The following FUT9 variants were observed in gnomAD, a reference collection of about 807,000 sequenced individuals.
FUT9 encodes 4-galactosyl-N-acetylglucosaminide 3-alpha-L-fucosyltransferase 9.
A neutral mutation model predicts 29.7 loss-of-function variants in FUT9; 15 were observed. That is an observed-to-expected ratio of 0.51 (90% confidence interval 0.34 to 0.78). The LOEUF (loss-of-function observed/expected upper bound fraction) is 0.78. FUT9 is among the 30% of genes least tolerant of loss of function. FUT9 has a pLI of 0.01. For missense variants in FUT9, 319 were observed against 425.4 expected (o/e 0.75, Z 2.20); for synonymous variants, 169 against 153.7 (o/e 1.10, Z -0.74).
At chr6:96,200,101 G>A (rs1773701167) in intron 2 of FUT9, among the ~76,000 whole-genome samples, 1 of 151,956 alleles carries the variant, frequency 6.6e-6, no homozygotes, top group African/African-American at 2.4e-5. Flanking sequence ...AATCATTTTG[G>A]GCCTCAGTTT....
At chr6:96,055,555 A>G (rs998165854) in intron 1 of FUT9, among the ~76,000 whole-genome samples, 15 of 151,834 alleles carry the variant, frequency 9.9e-5, no homozygotes, top group African/African-American at 3.6e-4. Context: ...TTATTGTTCA[A>G]GGGTAAATGT....
chr6:96,169,729 A>C (rs1773078115), intron 2 of FUT9, among the ~76,000 whole-genome samples: 1 of 152,104 alleles, frequency 6.6e-6, no homozygotes, highest in East Asian at 1.9e-4. Flanking sequence ...ATCTCTTTTA[A>C]ATGCTCTGTG....
chr6:96,087,174 G>T (rs1045445613), intron 1 of FUT9, among the ~76,000 whole-genome samples: 10 of 151,864 alleles, frequency 6.6e-5, no homozygotes, highest in African/African-American at 2.4e-4. Flanking sequence ...GCCTTATTTT[G>T]GATTATTGGA....
chr6:96,029,788 G>C (rs1463997086), intron 1 of FUT9, among the ~76,000 whole-genome samples: 1 of 151,546 alleles, frequency 6.6e-6, no homozygotes, highest in East Asian at 1.9e-4. Flanking sequence ...ATGTATTAAA[G>C]AACCTAATAG....
chr6:96,107,463 A>G (rs1179894841), intron 1 of FUT9, among the ~76,000 whole-genome samples: 1 of 152,186 alleles, frequency 6.6e-6, no homozygotes, highest in Non-Finnish European at 1.5e-5. Flanking sequence ...AGAATGTACA[A>G]GGAGATTTCT....
intron 1 of FUT9, among the ~76,000 whole-genome samples, chr6:96,073,719 G>A (rs1459929948): frequency 6.6e-6 from 1 of 152,122 alleles, no homozygotes; most frequent in Non-Finnish European, 1.5e-5. Flanking sequence ...TTAAAGGCGC[G>A]AGATGCTAAT....
chr6:96,052,910 T>C (rs1380699694), intron 1 of FUT9, among the ~76,000 whole-genome samples: 1 of 152,056 alleles, frequency 6.6e-6, no homozygotes, highest in East Asian at 1.9e-4. Context: ...GGTCAAAACA[T>C]TTAAAATATA....
Position 96,208,944 on chromosome 6 carries a change from T to C in FUT9, c.*4709T>C, listed in dbSNP as rs1773884179. 6.0e-6 allele frequency: 1 copy of C among 166,832 alleles called. No homozygotes were observed. The highest frequency in any genetic ancestry group is 1.5e-5 in the Non-Finnish European group (1 of 67,974). 10.3% of individuals were successfully genotyped at this position (166,832 alleles called of 1,614,324 possible). A position where few individuals can be genotyped will look rare whatever the true frequency, so the allele number is the denominator to read the frequency against. On this transcript the variant is annotated 3_prime_UTR_variant, in exon 3 of 3. Transcript: ENST00000302103. ...TCAATCTAGAGATTTTGTAGCATTT[T>C]GCAAATGGGTATGCTTCACTACTAT...
chr6:96,061,475 C>G (rs1010813256), intron 1 of FUT9, among the ~76,000 whole-genome samples: 1 of 151,444 alleles, frequency 6.6e-6, no homozygotes, highest in Non-Finnish European at 1.5e-5. Context: ...TTCATATTTG[C>G]CTTTCCCAAA....
At chr6:96,100,700 C>A (rs901045319) in intron 1 of FUT9, among the ~76,000 whole-genome samples, 1 of 152,260 alleles carries the variant, frequency 6.6e-6, no homozygotes, top group Admixed American at 6.5e-5. Flanking sequence ...ATTTGAAGAA[C>A]CCCCTTTCTT....
At chr6:96,104,532 G>C (rs1357033614) in intron 1 of FUT9, among the ~76,000 whole-genome samples, 1 of 151,998 alleles carries the variant, frequency 6.6e-6, no homozygotes, top group Non-Finnish European at 1.5e-5. Context: ...TATTTTTTTT[G>C]TTTTGTTTGT....
intron 1 of FUT9, among the ~76,000 whole-genome samples, chr6:96,088,528 T>TG (rs1340874997): frequency 4.4e-5 from 4 of 91,656 alleles, no homozygotes; most frequent in African/African-American, 1.5e-4. Context: ...TGTTTGTTTG[T>TG]TTTGTGTGTG....
chr6:96,108,448 C>T (rs1022124539), intron 1 of FUT9, among the ~76,000 whole-genome samples: 2 of 152,044 alleles, frequency 1.3e-5, no homozygotes, highest in Non-Finnish European at 2.9e-5. Flanking sequence ...TTCATAAGCT[C>T]GTTGACAGGA....
intron 2 of FUT9, among the ~76,000 whole-genome samples, chr6:96,177,986 T>G (rs1773236236): frequency 6.6e-6 from 1 of 152,180 alleles, no homozygotes; most frequent in African/African-American, 2.4e-5. Context: ...TGTTTGCTCA[T>G]ACTGTGAGGA....
rs539917939 is a variant in FUT9, at chr6:96,208,312, G to T, written c.*4077G>T. On this transcript the variant is annotated 3_prime_UTR_variant, in exon 3 of 3. Coordinates refer to ENST00000302103, the MANE Select transcript of FUT9 (RefSeq NM_006581.4). The stretch of plus-strand genomic sequence containing the variant: ...GAATTAAAGTTACCACAAATTTCAG[G>T]TCCTTACCTTATGACTGTGTTTGAT... 1.8e-5 allele frequency: 3 copies of T among 166,446 alleles called. No individual in the cohort carries two copies. In the South Asian group the frequency reaches 6.2e-4, roughly 35 times the overall value. The allele number at this position is 166,446 out of a possible 1,614,324, so 10.3% of individuals were successfully genotyped here. A position where few individuals can be genotyped will look rare whatever the true frequency, so the allele number is the denominator to read the frequency against.
intron 1 of FUT9, among the ~76,000 whole-genome samples, chr6:96,017,139 T>G (rs1769994870): frequency 6.6e-6 from 1 of 152,202 alleles, no homozygotes; most frequent in Non-Finnish European, 1.5e-5. Context: ...GATAAGAAGC[T>G]TTTTCTTGAA....
chr6:96,176,388 T>A (rs1166357161), intron 2 of FUT9, among the ~76,000 whole-genome samples: 8 of 151,920 alleles, frequency 5.3e-5, no homozygotes, highest in Non-Finnish European at 1.0e-4. Context: ...TATATCCTAT[T>A]GGTTCTGTTT....
intron 2 of FUT9, among the ~76,000 whole-genome samples, chr6:96,192,886 C>A (rs111947277): frequency 0.91 from 138,529 of 151,790 alleles, 64,565 homozygotes; most frequent in Non-Finnish European, 1. Flanking sequence ...CAGAGCCCTC[C>A]GAAATAATGC....
intron 2 of FUT9, among the ~76,000 whole-genome samples, chr6:96,129,847 T>C (rs1166098276): frequency 1.3e-5 from 2 of 152,208 alleles, no homozygotes; most frequent in East Asian, 1.9e-4. Context: ...AGTGAGTAAA[T>C]GTTTTCAGAA....
Sources: allele counts gnomAD v4.1 joint callset (sites outside exome capture counted in the v4.1 genomes callset), GRCh38; gene constraint gnomAD v4.1.1; transcripts MANE v1.5; gene names NCBI Gene and HGNC (gene_info 2026-07-23, HGNC 2026-07-21).